Variants in KIF26B observed in about 807,000 individuals in gnomAD.
The protein encoded by KIF26B is kinesin-like protein KIF26B.
A neutral mutation model predicts 151.2 loss-of-function variants in KIF26B; 63 were observed. That is an observed-to-expected ratio of 0.42 (90% CI 0.34 to 0.51). The LOEUF (loss-of-function observed/expected upper bound fraction) is 0.51, where lower values mean the gene tolerates loss of function less well. Among genes scored for constraint, KIF26B ranks in the 20% least tolerant of loss-of-function variants. KIF26B has a pLI of 0.07. For synonymous variants in KIF26B, 1,357 were observed against 1,262.1 expected, an observed-to-expected ratio of 1.08 and a Z score of -1.59; for missense variants, 2,813 against 2,913.6, an observed-to-expected ratio of 0.97 and a Z score of 0.79.
chr1:245,457,561 C>T (rs1659563411), intron 4 of KIF26B, among the ~76,000 whole-genome samples: 1 of 152,174 alleles, frequency 6.6e-6, no homozygotes, highest in Admixed American at 6.5e-5. Context: ...ACAGTTGACA[C>T]CTCTGCATTT....
chr1:245,531,908 G>A (rs1661370807), intron 4 of KIF26B, among the ~76,000 whole-genome samples: 1 of 152,088 alleles, frequency 6.6e-6, no homozygotes, highest in African/African-American at 2.4e-5. Context: ...ACCATCCTGG[G>A]CAACAAAGTG....
rs1042784110 is a variant in KIF26B, at chr1:245,709,173, A to G, written c.*6567A>G. The G allele has an allele frequency of 2.0e-5, 3 of 152,196 alleles. No homozygotes were observed. In the East Asian group the frequency reaches 5.8e-4, roughly 29 times the overall value. 9.4% of individuals were successfully genotyped at this position (152,196 alleles called of 1,614,324 possible). On this transcript the variant is annotated 3_prime_UTR_variant, in exon 15 of 15. Transcript: ENST00000407071. ...GTGCATGGGCCTTTGCAAGCTATAT[A>G]AACGTTAGGTGTTGGCTTGATTATG...
At chr1:245,356,949 C>G (rs1488717963) in intron 2 of KIF26B, among the ~76,000 whole-genome samples, 3 of 152,178 alleles carry the variant, frequency 2.0e-5, no homozygotes, top group African/African-American at 7.2e-5. Context: ...GATGGCCAGG[C>G]AGATATCTGC....
chr1:245,290,153 T>G (rs566053628), intron 2 of KIF26B, among the ~76,000 whole-genome samples: 1 of 150,448 alleles, frequency 6.6e-6, no homozygotes, highest in South Asian at 2.1e-4. Flanking sequence ...TAGCATTCAG[T>G]AGGTGCTTAA....
At chr1:245,330,816 G>GGA (rs1411945067) in intron 2 of KIF26B, among the ~76,000 whole-genome samples, 1 of 124,748 alleles carries the variant, frequency 8.0e-6, no homozygotes, top group Non-Finnish European at 1.7e-5. Context: ...GAGAGTCGGG[G>GGA]GAGAGTCGGG....
intron 5 of KIF26B, among the ~76,000 whole-genome samples, chr1:245,554,847 A>T (rs1053567443): frequency 6.6e-6 from 1 of 152,182 alleles, no homozygotes; most frequent in Non-Finnish European, 1.5e-5. Context: ...TCACAATGGC[A>T]TATGTAAAAC....
At chr1:245,155,910 C>CA (rs997240877) in intron 1 of KIF26B, among the ~76,000 whole-genome samples, 2 of 151,336 alleles carry the variant, frequency 1.3e-5, no homozygotes, top group African/African-American at 2.5e-5. Context: ...CTACCCCCCC[C>CA]ATAGGGTCTT....
intron 4 of KIF26B, among the ~76,000 whole-genome samples, chr1:245,537,043 A>G (rs1661502322): frequency 6.6e-6 from 1 of 152,230 alleles, no homozygotes. Flanking sequence ...GGAGAGTATC[A>G]GTGTCAGGTT....
chr1:245,170,863 G>A lies in KIF26B; in HGVS notation c.465+14180G>A, dbSNP rs560713497. ...TGTTGCAGCAAGCATGAGGTCACTT[G>A]TCTAGACACTGACCCCTCAGGCAGT... On this transcript the variant is annotated intron_variant, in intron 2 of 14. Transcript: ENST00000407071. This position sits in a 1 kb window ranked among gnomAD's most constrained non-coding sequence, Gnocchi z 4.4. Among the ~76,000 whole-genome samples, 8 of 152,198 alleles carry A rather than the reference G, an allele frequency of 5.3e-5. No homozygotes were observed. In the South Asian group the frequency reaches 1.2e-3, roughly 24 times the overall value.
intron 10 of KIF26B, among the ~76,000 whole-genome samples, chr1:245,663,471 G>A (rs2044180205): frequency 6.6e-6 from 1 of 151,648 alleles, no homozygotes; most frequent in Admixed American, 6.6e-5. Context: ...TGTGATCTAG[G>A]TTTGAACATC....
rs1553332272 is a variant in KIF26B at position 245,184,050 on chromosome 1, G to GTTTTTTGTTTTTTTTTTTTTGTTT, written c.465+27373_465+27374insGTTTTTTTTTTTTTGTTTTTTTTT. Among the ~76,000 whole-genome samples, 11 of 19,808 alleles carry GTTTTTTGTTTTTTTTTTTTTGTTT rather than the reference G, an allele frequency of 5.6e-4. 2 individuals carry two copies. Among genetic ancestry groups the GTTTTTTGTTTTTTTTTTTTTGTTT allele is most frequent in the Non-Finnish European group, 1.1e-3 (11 of 10,068 alleles). 13.0% of individuals were successfully genotyped at this position (19,808 alleles called of 152,430 possible). On this transcript the variant is annotated intron_variant, in intron 2 of 14. Transcript: ENST00000407071. ...GCAACAGGTATGGGTGGGAGTTGTT[G>GTTTTTTGTTTTTTTTTTTTTGTTT]TTTTTTTTTTTTTTTTTTTGAGCTT...
chr1:245,193,524 A>G (rs1669144739), intron 2 of KIF26B, among the ~76,000 whole-genome samples: 1 of 151,694 alleles, frequency 6.6e-6, no homozygotes, highest in African/African-American at 2.4e-5. Flanking sequence ...ACCTTTTTTC[A>G]AAATTTCATA....
intron 2 of KIF26B, among the ~76,000 whole-genome samples, chr1:245,261,090 GCTTCCTTC>G (rs779978341): frequency 7.7e-6 from 1 of 129,730 alleles, no homozygotes; most frequent in Admixed American, 8.6e-5. Flanking sequence ...CTCTCTCCCT[GCTTCCTTC>G]CTTCCTTCCT....
At chr1:245,595,639 C>T (rs1471750512) in intron 5 of KIF26B, among the ~76,000 whole-genome samples, 4 of 152,130 alleles carry the variant, frequency 2.6e-5, no homozygotes, top group Non-Finnish European at 1.5e-5. Context: ...TGTTGTGTCT[C>T]TGCCAGGTTT....
At chr1:245,390,257 C>T (rs371764407) in intron 3 of KIF26B, among the ~76,000 whole-genome samples, 1 of 150,618 alleles carries the variant, frequency 6.6e-6, no homozygotes, top group East Asian at 1.9e-4. Context: ...CTCACTCTGT[C>T]GCCAGGCTGG....
chr1:245,474,607 T>C (rs1414221546), intron 4 of KIF26B, among the ~76,000 whole-genome samples: 1 of 151,290 alleles, frequency 6.6e-6, no homozygotes, highest in Non-Finnish European at 1.5e-5. Flanking sequence ...GAGATGGGGT[T>C]TCACCATGTT....
At position 245,706,324 on chromosome 1, in the gene KIF26B, T is replaced by C. The variant is rs2044840668; in HGVS notation, c.*3718T>C. 6.6e-6 allele frequency: 1 copy of C among 152,172 alleles called. No individual in the cohort carries two copies. The allele number at this position is 152,172 out of a possible 1,614,324, so 9.4% of individuals were successfully genotyped here. On this transcript the variant is annotated 3_prime_UTR_variant, in exon 15 of 15. Transcript: ENST00000407071. ...GCAGTTGTGCCCACTTGGGTGTGTA[T>C]CTCATGTCCTTGTAAACCAGCCACC...
Position 245,699,560 on chromosome 1 carries a change from C to T in KIF26B, c.6178+523C>T, listed in dbSNP as rs1454905115. Among the ~76,000 whole-genome samples, 9 of 151,614 alleles carry T rather than the reference C, an allele frequency of 5.9e-5. No homozygotes were observed. In the East Asian group the frequency reaches 1.5e-3, roughly 26 times the overall value. On this transcript the variant is annotated intron_variant, in intron 14 of 14. Coordinates refer to ENST00000407071, the MANE Select transcript of KIF26B (RefSeq NM_018012.4). The stretch of plus-strand genomic sequence containing the variant: ...AATAGAAAGCCCAGGATGACCATAA[C>T]CATCTAATAACAATTCAGGACAATT...
intron 5 of KIF26B, among the ~76,000 whole-genome samples, chr1:245,569,650 G>T (rs1166916227): frequency 6.6e-6 from 1 of 151,728 alleles, no homozygotes; most frequent in Non-Finnish European, 1.5e-5. Flanking sequence ...AAATTAGCTG[G>T]ATGTGGTGGT....
Sources: gnomAD v4.1 joint callset for allele counts (sites outside exome capture counted in the v4.1 genomes callset) on GRCh38, gnomAD v4.1.1 for gene constraint, Gnocchi (gnomAD v3.1) non-coding constraint, MANE v1.5 for transcripts, NCBI Gene and HGNC (gene_info 2026-07-23, HGNC 2026-07-21) for gene names.